CSMD2: variants seen among roughly 807,000 people sequenced by gnomAD.
The protein encoded by CSMD2 is CUB and sushi domain-containing protein 2.
Under a neutral mutation model 398.5 loss-of-function variants are expected in CSMD2, and 130 were observed. The ratio of observed to expected loss-of-function variants is 0.33; its 90% CI spans 0.28 to 0.38. The LOEUF is 0.38. Ranked by LOEUF, CSMD2 falls within the 10% of genes least tolerant of loss-of-function variation. The pLI, the probability that CSMD2 is intolerant of heterozygous loss-of-function variation, is 1.00. For missense variants in CSMD2, 3,829 were observed against 4,764.9 expected (o/e 0.80, Z 5.78); for synonymous variants, 1,828 against 1,908.5 (o/e 0.96, Z 1.10).
chr1:33,720,428 G>A (rs1378597901), intron 19 of CSMD2, among the ~76,000 whole-genome samples: 1 of 152,194 alleles, frequency 6.6e-6, no homozygotes, highest in African/African-American at 2.4e-5. Context: ...GGGGGTCAGG[G>A]AAGGCTCATT....
Position 33,571,660 on chromosome 1 carries a change from G to T in CSMD2, c.7829C>A (p.Thr2610Lys), listed in dbSNP as rs1659609738. ...CAGCTGGGCCTGGAACTGATACTGTGTCTCAAAGATAAGCCTCCATCGGCC... is the reference window on the plus strand; with the variant it reads ...CAGCTGGGCCTGGAACTGATACTGTTTCTCAAAGATAAGCCTCCATCGGCC... Reference protein sequence around the residue: ...EHGRWRLIFETQYQFQAQLML... With the variant: ...EHGRWRLIFEKQYQFQAQLML... Residue 2610 changes from threonine (T) to lysine (K), a missense_variant, in exon 51 of 71, where the codon ACA becomes AAA. Thr to Lys is a moderately conservative substitution (Grantham distance 78, BLOSUM62 -1). Transcript: ENST00000373381. The T allele has an allele frequency of 8.2e-6, 13 of 1,582,186 alleles. No individual in the cohort carries two copies. The highest frequency in any genetic ancestry group is 1.1e-5 in the Non-Finnish European group (13 of 1,159,112).
chr1:33,806,745 T>C (rs1404793043), intron 10 of CSMD2, among the ~76,000 whole-genome samples: 1 of 152,216 alleles, frequency 6.6e-6, no homozygotes, highest in East Asian at 1.9e-4. Context: ...TAGGGCTTCA[T>C]AAAGTGCAGA....
intron 2 of CSMD2, among the ~76,000 whole-genome samples, chr1:34,062,834 T>C (rs2625688): frequency 0.29 from 43,731 of 152,060 alleles, 7,273 homozygotes; most frequent in African/African-American, 0.45. Context: ...CAAACCCTTA[T>C]GGGCAAGAGG....
chr1:34,104,940 G>T (rs181027836), intron 1 of CSMD2, among the ~76,000 whole-genome samples: 1 of 152,104 alleles, frequency 6.6e-6, no homozygotes, highest in African/African-American at 2.4e-5. Context: ...TGCCTCATAC[G>T]CCCTTCCACT....
intron 12 of CSMD2, among the ~76,000 whole-genome samples, chr1:33,785,742 G>A (rs1400910289): frequency 6.6e-6 from 1 of 152,212 alleles, no homozygotes; most frequent in Non-Finnish European, 1.5e-5. Flanking sequence ...GCAAGACACT[G>A]TGAAAACCCT....
At chr1:34,049,239 G>A (rs1404206646) in intron 2 of CSMD2, among the ~76,000 whole-genome samples, 9 of 152,202 alleles carry the variant, frequency 5.9e-5, no homozygotes, top group African/African-American at 2.2e-4. Context: ...GTAGACAAGA[G>A]AGGGAGGAGC....
chr1:33,939,399 T>C (rs991647036), intron 3 of CSMD2, among the ~76,000 whole-genome samples: 1 of 151,542 alleles, frequency 6.6e-6, no homozygotes, highest in Non-Finnish European at 1.5e-5. Context: ...GAGTGTGGGG[T>C]GGGAAGGGCA....
chr1:34,152,210 A>G (rs1245128774), intron 1 of CSMD2, among the ~76,000 whole-genome samples: 2 of 152,284 alleles, frequency 1.3e-5, no homozygotes, highest in Non-Finnish European at 2.9e-5. Context: ...GAACAGAACC[A>G]TAACTTATGA....
At chr1:33,890,051 AAG>A (rs1491509456) in intron 5 of CSMD2, among the ~76,000 whole-genome samples, 12 of 130,814 alleles carry the variant, frequency 9.2e-5, no homozygotes, top group East Asian at 2.3e-4. Flanking sequence ...CTATAAAAAA[AAG>A]AGAAAGAAAT....
At chr1:34,160,607 C>G (rs1641243016) in intron 1 of CSMD2, among the ~76,000 whole-genome samples, 1 of 152,208 alleles carries the variant, frequency 6.6e-6, no homozygotes, top group Non-Finnish European at 1.5e-5. Context: ...ATCATCTGAT[C>G]AAACAGCCAT....
At position 33,557,804 on chromosome 1, in the gene CSMD2, G is replaced by A; in HGVS notation, c.8673C>T (p.Tyr2891=). The A allele has an allele frequency of 2.6e-6, 4 of 1,536,156 alleles. No individual in the cohort carries two copies. Among genetic ancestry groups the A allele is most frequent in the Non-Finnish European group, 3.5e-6 (4 of 1,146,910 alleles). ...TVSYRCNHGF[Y]LLGTPVLSCQ... ...AGCTGAGCACTGGGGTGCCCAGGAG[G>A]TAGAAGCCGTGGTTGCACCGGTAAG... Residue 2891 remains tyrosine (Y), a synonymous_variant, in exon 55 of 71, where the codon TAC becomes TAT. Coordinates refer to ENST00000373381, the MANE Select transcript of CSMD2 (RefSeq NM_001281956.2).
In CSMD2 at chr1:33,537,752, T is replaced by C; in HGVS notation, c.9632-143A>G. On this transcript the variant is annotated intron_variant, in intron 60 of 70. Coordinates refer to ENST00000373381, the MANE Select transcript of CSMD2 (RefSeq NM_001281956.2). This position sits in a 1 kb window ranked among gnomAD's most constrained non-coding sequence, Gnocchi z 4.6. ...GGGAACCGGGGCAGCCCCAGGTAGGTGCTTCCACCTGCTGCGGTGCTGCTG... is the reference window on the plus strand; with the variant it reads ...GGGAACCGGGGCAGCCCCAGGTAGGCGCTTCCACCTGCTGCGGTGCTGCTG... The C allele has an allele frequency of 1.4e-6, 1 of 713,956 alleles. No individual in the cohort carries two copies. Among genetic ancestry groups the C allele is most frequent in the Non-Finnish European group, 2.2e-6 (1 of 459,642 alleles). The allele number at this position is 713,956 out of a possible 1,614,324, so 44.2% of individuals were successfully genotyped here.
chr1:33,814,243 G>C (rs1657194378), intron 9 of CSMD2: 1 of 152,090 alleles, frequency 6.6e-6, no homozygotes, highest in Admixed American at 6.6e-5. Flanking sequence ...AGTTTGGAAT[G>C]AATCTCTCTA....
At chr1:33,668,645 T>C (rs1398673278) in intron 25 of CSMD2, among the ~76,000 whole-genome samples, 1 of 152,230 alleles carries the variant, frequency 6.6e-6, no homozygotes, top group Non-Finnish European at 1.5e-5. Context: ...GCTTTTGATA[T>C]CCTGAGAACA....
intron 4 of CSMD2, among the ~76,000 whole-genome samples, chr1:33,930,890 T>C (rs2125315999): frequency 1.3e-5 from 2 of 152,290 alleles, no homozygotes; most frequent in Middle Eastern, 3.4e-3. Context: ...GGCTCCCCCC[T>C]ATTCCCAGCT....
intron 62 of CSMD2, among the ~76,000 whole-genome samples, chr1:33,534,190 G>A (rs1467305042): frequency 6.6e-6 from 1 of 152,120 alleles, no homozygotes; most frequent in Non-Finnish European, 1.5e-5. Flanking sequence ...CCGAGTTCTG[G>A]CTTCTGCATT....
At chr1:33,632,631 C>T (rs1019870426) in intron 32 of CSMD2, among the ~76,000 whole-genome samples, 1 of 151,982 alleles carries the variant, frequency 6.6e-6, no homozygotes, top group African/African-American at 2.4e-5. Context: ...AAAACATGCC[C>T]TCTTTCTTGT....
intron 13 of CSMD2, among the ~76,000 whole-genome samples, chr1:33,757,897 T>C (rs1649263763): frequency 1.3e-5 from 2 of 152,248 alleles, no homozygotes; most frequent in African/African-American, 2.4e-5. Flanking sequence ...CTCTTTCTAC[T>C]GCCAGAGTCT....
chr1:33,609,930 C>T (rs1016883200), intron 41 of CSMD2, among the ~76,000 whole-genome samples: 1 of 152,152 alleles, frequency 6.6e-6, no homozygotes, highest in African/African-American at 2.4e-5. Flanking sequence ...TATTTGGAGG[C>T]AGGGCATTTG....
Sources: gnomAD v4.1 joint callset for allele counts (sites outside exome capture counted in the v4.1 genomes callset) on GRCh38, gnomAD v4.1.1 for gene constraint, Gnocchi (gnomAD v3.1) non-coding constraint, MANE v1.5 for transcripts, NCBI Gene and HGNC (gene_info 2026-07-23, HGNC 2026-07-21) for gene names.